Variants in NCKAP5 observed in about 807,000 individuals in gnomAD.
NCKAP5 encodes the protein NCK associated protein 5.
NCKAP5 carries 92 observed loss-of-function variants against 167.0 expected under a neutral mutation model. The ratio of observed to expected loss-of-function variants is 0.55; its 90% confidence interval spans 0.47 to 0.66. NCKAP5 has a LOEUF of 0.66. NCKAP5 is among the 30% of genes least tolerant of loss of function. The probability of loss-of-function intolerance (pLI) is 0.00; values close to 1 mark genes in which losing one functional copy is unlikely to be tolerated. For synonymous variants in NCKAP5, 891 were observed against 877.4 expected (o/e 1.02, Z -0.27); for missense variants, 2,378 against 2,315.0 (o/e 1.03, Z -0.56).
At chr2:132,790,306 A>G (rs1683958912) in intron 12 of NCKAP5, 101 bp from the exon 13 acceptor site, 9 of 1,059,506 alleles carry the variant, frequency 8.5e-6, no homozygotes. Context: ...ATGCTCCTCA[A>G]CTTATGGCAG....
chr2:132,865,457 T>C (rs986932883), intron 10 of NCKAP5, among the ~76,000 whole-genome samples: 3 of 152,128 alleles, frequency 2.0e-5, no homozygotes, highest in Admixed American at 1.3e-4. Context: ...AAAAATAAGA[T>C]TGATTTTGAG....
chr2:133,319,074 C>T (rs1229630908), intron 3 of NCKAP5, among the ~76,000 whole-genome samples: 1 of 152,076 alleles, frequency 6.6e-6, no homozygotes, highest in Non-Finnish European at 1.5e-5. Context: ...ATCCACTAAA[C>T]CTTAAGAACG....
chr2:133,286,154 C>A (rs971650341), intron 4 of NCKAP5, among the ~76,000 whole-genome samples: 2 of 151,830 alleles, frequency 1.3e-5, no homozygotes, highest in Admixed American at 1.3e-4. Context: ...CACTACCATG[C>A]CAGGCTAATT....
chr2:133,015,624 A>G (rs1233134060), intron 6 of NCKAP5, among the ~76,000 whole-genome samples: 1 of 152,210 alleles, frequency 6.6e-6, no homozygotes, highest in East Asian at 1.9e-4. Flanking sequence ...AGGAGTGGAC[A>G]TTGTATTTCC....
rs533047951 is a variant in NCKAP5 at position 133,005,615 on chromosome 2, C to T, written c.342-11376G>A. On this transcript the variant is annotated intron_variant, in intron 6 of 19. Transcript: ENST00000409261. ...TCTGAAGCACAAACATTCTCTGATA[C>T]CACGCAAAAAGGACTCTGAATTGCC... 1.5e-3 allele frequency among the ~76,000 whole-genome samples: 234 copies of T among 152,186 alleles called. 1 individual carries two copies. Among genetic ancestry groups the T allele is most frequent in the African/African-American group, 5.3e-3 (221 of 41,506 alleles).
chr2:132,800,750 G>T (rs1435409343), intron 11 of NCKAP5, among the ~76,000 whole-genome samples: 1 of 152,048 alleles, frequency 6.6e-6, no homozygotes, highest in African/African-American at 2.4e-5. Context: ...TGGATTCCCT[G>T]CCTTGAGGAA....
At chr2:133,669,532 C>A in the NCKAP5 span, among the ~76,000 whole-genome samples, 4 of 152,112 alleles carry the variant, frequency 2.6e-5, no homozygotes, top group South Asian at 6.2e-4. Context: ...TCAAAGGTAT[C>A]TTTTTGAGTC....
At chr2:133,055,073 G>A (rs2079749439) in intron 6 of NCKAP5, among the ~76,000 whole-genome samples, 2 of 152,132 alleles carry the variant, frequency 1.3e-5, no homozygotes, top group Admixed American at 6.6e-5. Context: ...ATTAAATGGG[G>A]AGAAAGGAGT....
intron 5 of NCKAP5, among the ~76,000 whole-genome samples, chr2:133,183,422 C>G (rs1227061932): frequency 6.6e-6 from 1 of 151,936 alleles, no homozygotes; most frequent in African/African-American, 2.4e-5. Flanking sequence ...TAGAATTCAT[C>G]AGAGGGACAT....
intron 6 of NCKAP5, among the ~76,000 whole-genome samples, chr2:133,006,847 G>C (rs1025073309): frequency 6.6e-6 from 1 of 152,184 alleles, no homozygotes; most frequent in Non-Finnish European, 1.5e-5. Flanking sequence ...TGGAACAGTG[G>C]CAAAGAGATG....
rs34264277 is a variant in NCKAP5, at chr2:133,181,603, C to CAAAAAAAAAAAAAAAAA, written c.207+32096_207+32112dup. Among the ~76,000 whole-genome samples the CAAAAAAAAAAAAAAAAA allele has an allele frequency of 3.1e-4, 22 of 71,148 alleles. 1 individual carries two copies. Among genetic ancestry groups the CAAAAAAAAAAAAAAAAA allele is most frequent in the African/African-American group, 9.2e-4 (16 of 17,354 alleles). 46.7% of individuals were successfully genotyped at this position (71,148 alleles called of 152,430 possible). Reference sequence around the variant, plus strand: ...GCAACATGGTAAATCCCCATCTCTACAAAAAAAAAAAAAAAAAAAAAAAAA... The same window carrying CAAAAAAAAAAAAAAAAA: ...GCAACATGGTAAATCCCCATCTCTACAAAAAAAAAAAAAAAAAAAAAAAAAAAAAAAAAAAAAAAAAA... On this transcript the variant is annotated intron_variant, in intron 5 of 19. Coordinates refer to ENST00000409261, the MANE Select transcript of NCKAP5 (RefSeq NM_207363.3).
chr2:133,627,614 A>T, the NCKAP5 span, among the ~76,000 whole-genome samples: 1 of 152,206 alleles, frequency 6.6e-6, no homozygotes, highest in Non-Finnish European at 1.5e-5. Context: ...TCTCCACAAA[A>T]ATACAAAAAT....
chr2:133,103,701 G>T (rs965241689), intron 6 of NCKAP5, among the ~76,000 whole-genome samples: 1 of 152,080 alleles, frequency 6.6e-6, no homozygotes, highest in African/African-American at 2.4e-5. Flanking sequence ...TCTCGCTTGA[G>T]CCCAGGAGTT....
At chr2:133,513,837 T>C (rs765751392) in intron 3 of NCKAP5, among the ~76,000 whole-genome samples, 1 of 152,194 alleles carries the variant, frequency 6.6e-6, no homozygotes, top group Non-Finnish European at 1.5e-5. Flanking sequence ...GCTAAATGTA[T>C]TTCCCAAAAA....
In NCKAP5 at chr2:133,130,131, G is replaced by A. The variant is rs2149795140; in HGVS notation, c.208-20C>T. On this transcript the variant is annotated intron_variant, in intron 5 of 19. Coordinates refer to ENST00000409261, the MANE Select transcript of NCKAP5 (RefSeq NM_207363.3). The stretch of plus-strand genomic sequence containing the variant: ...CTCATGCTATAAAAGACACAAAGGG[G>A]ATGACTTTTAGGAAGGTGTTTATGA... 1 of 1,597,922 alleles carries A rather than the reference G, an allele frequency of 6.3e-7. No homozygotes were observed. Among genetic ancestry groups the A allele is most frequent in the African/African-American group, 1.4e-5 (1 of 73,948 alleles).
intron 2 of NCKAP5, among the ~76,000 whole-genome samples, chr2:133,542,601 C>T (rs894785896): frequency 2.6e-5 from 4 of 152,200 alleles, no homozygotes; most frequent in African/African-American, 9.6e-5. Context: ...TCCTTTCCTC[C>T]CTGCTCACAT....
intron 8 of NCKAP5, among the ~76,000 whole-genome samples, chr2:132,917,307 A>T (rs1249754606): frequency 6.6e-6 from 1 of 152,176 alleles, no homozygotes; most frequent in East Asian, 1.9e-4. Flanking sequence ...AAAAACTTTA[A>T]TATATACTTT....
chr2:133,464,176 A>G (rs1323527533), intron 3 of NCKAP5, among the ~76,000 whole-genome samples: 1 of 152,234 alleles, frequency 6.6e-6, no homozygotes, highest in Non-Finnish European at 1.5e-5. Context: ...TTCAAAAAAC[A>G]GATGATTTTG....
Position 133,526,250 on chromosome 2 carries a change from AGGGAGGG to A in NCKAP5, c.-61-8670_-61-8664del, listed in dbSNP as rs1558755523. 1.2e-3 allele frequency among the ~76,000 whole-genome samples: 58 copies of A among 46,768 alleles called. 2 individuals are homozygous for A. The highest frequency in any genetic ancestry group is 4.7e-3 in the African/African-American group (54 of 11,512). 30.7% of individuals were successfully genotyped at this position (46,768 alleles called of 152,430 possible). ...AAGAAAGGAAAGGAGGGAGGGAAGG[AGGGAGGG>A]AGGGAAGGAGGGAGGGAGGGAAGGA... On this transcript the variant is annotated intron_variant, in intron 2 of 19. Transcript: ENST00000409261.
Sources: gnomAD v4.1 joint callset for allele counts (sites outside exome capture counted in the v4.1 genomes callset) on GRCh38, gnomAD v4.1.1 for gene constraint, MANE v1.5 for transcripts, NCBI Gene and HGNC (gene_info 2026-07-23, HGNC 2026-07-21) for gene names.